Variants in PTPRZ1 observed in about 807,000 individuals in gnomAD.
PTPRZ1 encodes the protein protein tyrosine phosphatase receptor type Z1.
A neutral mutation model predicts 214.1 loss-of-function variants in PTPRZ1; 82 were observed. That is an observed-to-expected ratio of 0.38 (90% CI 0.32 to 0.46). The LOEUF (loss-of-function observed/expected upper bound fraction) is 0.46. PTPRZ1 is among the 20% of genes least tolerant of loss of function. PTPRZ1 has a pLI of 1.00. For synonymous variants in PTPRZ1, 945 were observed against 987.9 expected, an observed-to-expected ratio of 0.96 and a Z score of 0.81; for missense variants, 2,603 against 2,748.7, an observed-to-expected ratio of 0.95 and a Z score of 1.19.
At chr7:121,937,939 C>A (rs1279738799) in intron 2 of PTPRZ1, among the ~76,000 whole-genome samples, 1 of 152,068 alleles carries the variant, frequency 6.6e-6, no homozygotes, top group Non-Finnish European at 1.5e-5. Flanking sequence ...TTTTTTCCCA[C>A]AAGGAAAACA....
intron 23 of PTPRZ1, among the ~76,000 whole-genome samples, chr7:122,045,865 A>T (rs1218448735): frequency 6.6e-6 from 1 of 151,992 alleles, no homozygotes; most frequent in Non-Finnish European, 1.5e-5. Flanking sequence ...GAGATATTTT[A>T]CTCTCTTTCC....
At chr7:121,975,971 G>A (rs1228349403) in intron 4 of PTPRZ1, among the ~76,000 whole-genome samples, 5 of 152,084 alleles carry the variant, frequency 3.3e-5, no homozygotes, top group Admixed American at 3.3e-4. Context: ...CAGTCCCCTG[G>A]TAATCTCAAA....
chr7:121,952,863 A>G (rs1360420696), intron 2 of PTPRZ1, among the ~76,000 whole-genome samples: 1 of 152,218 alleles, frequency 6.6e-6, no homozygotes, highest in Admixed American at 6.5e-5. Flanking sequence ...ATTGCCATGT[A>G]CCAGAATTAC....
intron 8 of PTPRZ1, 87 bp downstream of exon 8, chr7:121,984,204 T>A (rs868215458): frequency 6.9e-6 from 8 of 1,157,854 alleles, no homozygotes; most frequent in South Asian, 4.3e-5. Flanking sequence ...TATAGAGGAC[T>A]TAGAGCTTTA....
At chr7:121,883,402 A>G (rs1794300788) in intron 1 of PTPRZ1, among the ~76,000 whole-genome samples, 1 of 152,198 alleles carries the variant, frequency 6.6e-6, no homozygotes, top group African/African-American at 2.4e-5. Flanking sequence ...TGTCATTTTT[A>G]CAGTGAACAC....
At chr7:121,979,357 T>G (rs1276087870) in intron 6 of PTPRZ1, among the ~76,000 whole-genome samples, 1 of 152,174 alleles carries the variant, frequency 6.6e-6, no homozygotes, top group African/African-American at 2.4e-5. Context: ...AGTTGCAATC[T>G]TTCGAGTTGC....
chr7:122,025,330 C>CTTTT, intron 13 of PTPRZ1, among the ~76,000 whole-genome samples: 1 of 132,876 alleles, frequency 7.5e-6, no homozygotes, highest in Non-Finnish European at 1.6e-5. Flanking sequence ...CTTTTTTTTT[C>CTTTT]TTTTTTTTTT....
chr7:121,934,084 G>T (rs1187800363), intron 2 of PTPRZ1, among the ~76,000 whole-genome samples: 2 of 152,176 alleles, frequency 1.3e-5, no homozygotes, highest in Non-Finnish European at 2.9e-5. Flanking sequence ...TACCCCTGGA[G>T]AGTGAGTCTC....
intron 3 of PTPRZ1, among the ~76,000 whole-genome samples, chr7:121,969,579 A>C (rs1411284489): frequency 6.8e-6 from 1 of 147,502 alleles, no homozygotes; most frequent in Non-Finnish European, 1.5e-5. Context: ...AAAAAAAAAA[A>C]AATCTCATGA....
Position 122,061,211 on chromosome 7 carries a change from T to C in PTPRZ1, c.6939T>C (p.Ser2313=), listed in dbSNP as rs1792567056. 1.9e-6 allele frequency: 3 copies of C among 1,597,098 alleles called. No individual in the cohort carries two copies. The highest frequency in any genetic ancestry group is 2.6e-6 in the Non-Finnish European group (3 of 1,170,482). The change falls in exon 30 of 30, where the codon TCT becomes TCC. Residue 2313 remains serine (S), a synonymous_variant. Transcript: ENST00000393386. ...PDGNIAESLE[S]LV The stretch of plus-strand genomic sequence containing the variant: ...GAAATATAGCTGAGAGCTTAGAGTC[T>C]TTAGTTTAACACAGAAAGGGGTGGG...
At chr7:122,004,579 T>C (rs1308602777) in intron 10 of PTPRZ1, 35 bp from the exon 11 acceptor site, 2 of 1,176,358 alleles carry the variant, frequency 1.7e-6, no homozygotes, top group African/African-American at 3.1e-5. Context: ...AATAGTTGAA[T>C]AAAAACTTTA....
In PTPRZ1 at chr7:121,996,312, GA is replaced by G. The variant is rs890523556; in HGVS notation, c.929-68del. On this transcript the variant is annotated intron_variant, in intron 8 of 29. Transcript: ENST00000393386. The stretch of plus-strand genomic sequence containing the variant: ...AATAAAACACAATAAAATTTTTATA[GA>G]ATATGTTTTATTTATTCAAGTCCTC... The G allele has an allele frequency of 2.0e-5, 22 of 1,099,066 alleles. No individual in the cohort carries two copies. The African/African-American group carries it at 3.2e-4, about 16-fold the overall frequency. The allele number at this position is 1,099,066 out of a possible 1,614,324, so 68.1% of individuals were successfully genotyped here.
intron 23 of PTPRZ1, among the ~76,000 whole-genome samples, chr7:122,046,743 CTA>C (rs1791997187): frequency 6.6e-6 from 1 of 152,088 alleles, no homozygotes; most frequent in Non-Finnish European, 1.5e-5. Flanking sequence ...ATTTCCAAAT[CTA>C]CCTTATTTTT....
intron 1 of PTPRZ1, among the ~76,000 whole-genome samples, chr7:121,902,469 A>AT (rs1266974454): frequency 6.6e-6 from 1 of 152,168 alleles, no homozygotes. Flanking sequence ...ACTAGTTTAC[A>AT]TTCCCATTGA....
intron 1 of PTPRZ1, among the ~76,000 whole-genome samples, chr7:121,899,775 A>G (rs964787796): frequency 2.0e-5 from 3 of 152,164 alleles, no homozygotes; most frequent in Admixed American, 6.6e-5. Flanking sequence ...AGAGTATTAC[A>G]TGGTGTTCAC....
intron 11 of PTPRZ1, among the ~76,000 whole-genome samples, chr7:122,008,202 G>T (rs1020636317): frequency 6.6e-6 from 1 of 152,126 alleles, no homozygotes; most frequent in Non-Finnish European, 1.5e-5. Flanking sequence ...TAATATTATT[G>T]TGGAAGTCAA....
intron 2 of PTPRZ1, among the ~76,000 whole-genome samples, chr7:121,954,237 G>A (rs1024694569): frequency 9.9e-5 from 15 of 151,720 alleles, no homozygotes; most frequent in Non-Finnish European, 1.8e-4. Flanking sequence ...AAATATGACC[G>A]TGACACTTGC....
chr7:121,883,009 G>C (rs1373631685), intron 1 of PTPRZ1, among the ~76,000 whole-genome samples: 1 of 152,094 alleles, frequency 6.6e-6, no homozygotes, highest in African/African-American at 2.4e-5. Flanking sequence ...GAAATATCCA[G>C]GAAGGAAAAG....
At chr7:122,034,432 C>A (rs1799477341) in intron 17 of PTPRZ1, 54 bp downstream of exon 17, 4 of 1,535,710 alleles carry the variant, frequency 2.6e-6, no homozygotes, top group Non-Finnish European at 3.6e-6. Context: ...ATTTTGGTGC[C>A]TTTTAAAAGT....
Sources: allele counts gnomAD v4.1 joint callset (sites outside exome capture counted in the v4.1 genomes callset), GRCh38; gene constraint gnomAD v4.1.1; transcripts MANE v1.5; gene names NCBI Gene and HGNC (gene_info 2026-07-23, HGNC 2026-07-21).